BABAM2: variants seen among roughly 807,000 people sequenced by gnomAD.
BABAM2 encodes the protein BRISC and BRCA1-A complex member 2.
Under a neutral mutation model 54.7 loss-of-function variants are expected in BABAM2, and 31 were observed. The observed-to-expected ratio is 0.57, with a 90% CI of 0.43 to 0.77. The LOEUF is 0.77. Among genes scored for constraint, BABAM2 ranks in the 30% least tolerant of loss-of-function variants. BABAM2 has a pLI of 0.00. For synonymous variants in BABAM2, 167 were observed against 162.9 expected (o/e 1.03, Z -0.19); for missense variants, 364 against 455.8 (o/e 0.80, Z 1.83).
intron 10 of BABAM2, among the ~76,000 whole-genome samples, chr2:28,278,166 T>C (rs1011612028): frequency 6.6e-6 from 1 of 152,204 alleles, no homozygotes; most frequent in Non-Finnish European, 1.5e-5. Flanking sequence ...AAGACCCTTT[T>C]ATATACACCG....
chr2:27,939,743 A>C (rs1668740209), intron 3 of BABAM2, among the ~76,000 whole-genome samples: 1 of 152,234 alleles, frequency 6.6e-6, no homozygotes, highest in African/African-American at 2.4e-5. Context: ...TTATTTTTCA[A>C]AATATTTTAT....
chr2:28,112,411 T>C (rs767810565), intron 6 of BABAM2, among the ~76,000 whole-genome samples: 16 of 151,340 alleles, frequency 1.1e-4, no homozygotes, highest in Non-Finnish European at 1.8e-4. Context: ...CTTGTGTCCA[T>C]GTGTTCTCAT....
intron 8 of BABAM2, among the ~76,000 whole-genome samples, chr2:28,240,160 G>A (rs1056072177): frequency 1.3e-5 from 2 of 150,574 alleles, no homozygotes; most frequent in South Asian, 2.1e-4. Context: ...AGATGAGGTC[G>A]CCCAGGCTGG....
chr2:28,131,085 T>G (rs1263955081), intron 7 of BABAM2, among the ~76,000 whole-genome samples: 1 of 6,262 alleles, frequency 1.6e-4, no homozygotes, highest in Non-Finnish European at 5.2e-4. Context: ...TATTATTTTT[T>G]TTTTTTTTTT....
chr2:28,088,843 G>A (rs1295978068), intron 6 of BABAM2, among the ~76,000 whole-genome samples: 1 of 152,064 alleles, frequency 6.6e-6, no homozygotes, highest in Admixed American at 6.6e-5. Flanking sequence ...CTGTCATCTC[G>A]ATACATATCT....
At chr2:27,946,365 A>G (rs1056545266) in intron 3 of BABAM2, among the ~76,000 whole-genome samples, 1 of 152,124 alleles carries the variant, frequency 6.6e-6, no homozygotes, top group Admixed American at 6.5e-5. Flanking sequence ...ATTATTATGT[A>G]TGATCCTTCT....
At chr2:28,310,120 C>T (rs1688944875) in intron 11 of BABAM2, 1 of 1,614,148 alleles carries the variant, frequency 6.2e-7, no homozygotes, top group East Asian at 2.2e-5. Context: ...TCCAGCTCTG[C>T]CTGACATCCA....
chr2:28,159,018 C>A (rs1672807951), intron 7 of BABAM2, among the ~76,000 whole-genome samples: 1 of 152,166 alleles, frequency 6.6e-6, no homozygotes, highest in South Asian at 2.1e-4. Flanking sequence ...TCAACAAGTT[C>A]TCTTTTCACT....
At chr2:28,188,663 G>T (rs1676577118) in intron 7 of BABAM2, among the ~76,000 whole-genome samples, 1 of 152,156 alleles carries the variant, frequency 6.6e-6, no homozygotes, top group African/African-American at 2.4e-5. Flanking sequence ...CCTCGGGGCT[G>T]TTTAGGTTCT....
chr2:28,219,428 T>G (rs1680196294), intron 7 of BABAM2, among the ~76,000 whole-genome samples: 1 of 152,242 alleles, frequency 6.6e-6, no homozygotes, highest in Non-Finnish European at 1.5e-5. Flanking sequence ...AGGACTCGTG[T>G]GTCTAGATGG....
Position 28,188,989 on chromosome 2 carries a change from T to C in BABAM2, c.681-48213T>C, listed in dbSNP as rs184531002. Among the ~76,000 whole-genome samples the C allele has an allele frequency of 4.0e-4, 61 of 152,136 alleles. 1 individual carries two copies. In the East Asian group the frequency reaches 0.011, roughly 28 times the overall value. On this transcript the variant is annotated intron_variant, in intron 7 of 11. Coordinates refer to ENST00000379624, the MANE Select transcript of BABAM2 (RefSeq NM_199191.3). ...GCCAAGGCGGGAGGATCACCTGAGG[T>C]CGGGAGTTCGAGACCAGCCTGGCCA...
chr2:28,087,919 G>A (rs1665815770), intron 6 of BABAM2, among the ~76,000 whole-genome samples: 1 of 152,102 alleles, frequency 6.6e-6, no homozygotes, highest in Non-Finnish European at 1.5e-5. Flanking sequence ...CAAAGTGCTG[G>A]GATTACAGGC....
intron 6 of BABAM2, among the ~76,000 whole-genome samples, chr2:28,119,133 G>T (rs1004535901): frequency 1.3e-5 from 2 of 152,192 alleles, no homozygotes; most frequent in Admixed American, 1.3e-4. Flanking sequence ...TAGCCTTGTA[G>T]TATAGGTTGG....
chr2:28,219,339 A>G lies in BABAM2; in HGVS notation c.681-17863A>G, dbSNP rs571165191. 2.6e-4 allele frequency among the ~76,000 whole-genome samples: 39 copies of G among 152,320 alleles called. No homozygotes were observed. The South Asian group carries it at 7.4e-3, about 29-fold the overall frequency. On this transcript the variant is annotated intron_variant, in intron 7 of 11. Coordinates refer to ENST00000379624, the MANE Select transcript of BABAM2 (RefSeq NM_199191.3). Reference sequence around the variant, plus strand: ...AGCAATGGCAAGTCCAGTCCCTCTCATGCTTCAAGTTTTTCCTGCCTCTTC... The same window carrying G: ...AGCAATGGCAAGTCCAGTCCCTCTCGTGCTTCAAGTTTTTCCTGCCTCTTC...
At chr2:28,258,615 CTTTTT>C (rs70956008) in intron 10 of BABAM2, among the ~76,000 whole-genome samples, 9 of 100,044 alleles carry the variant, frequency 9.0e-5, no homozygotes, top group Non-Finnish European at 1.7e-4. Flanking sequence ...TTTTTCTTTT[CTTTTT>C]TTTTTTTTTT....
chr2:28,260,546 C>T (rs894916934), intron 10 of BABAM2, among the ~76,000 whole-genome samples: 1 of 151,986 alleles, frequency 6.6e-6, no homozygotes, highest in Non-Finnish European at 1.5e-5. Context: ...AGGTGATCCA[C>T]CCACCTCGGC....
intron 3 of BABAM2, among the ~76,000 whole-genome samples, chr2:27,951,697 A>G (rs544470745): frequency 2.8e-4 from 42 of 152,018 alleles, no homozygotes; most frequent in African/African-American, 8.9e-4. Flanking sequence ...TTAGTTTTCA[A>G]TTTTTTCAAT....
Position 27,920,249 on chromosome 2 carries a change from C to T in BABAM2, c.129-9583C>T, listed in dbSNP as rs185871717. Among the ~76,000 whole-genome samples the T allele has an allele frequency of 1.5e-3, 230 of 152,260 alleles. 2 individuals are homozygous for T. Among genetic ancestry groups the T allele is most frequent in the African/African-American group, 4.9e-3 (204 of 41,554 alleles). ...TAAGACTTGACCTTGTGGATTTGGTCTGGCCAGTCAGATGGGGTATAATTA... is the reference window on the plus strand; with the variant it reads ...TAAGACTTGACCTTGTGGATTTGGTTTGGCCAGTCAGATGGGGTATAATTA... On this transcript the variant is annotated intron_variant, in intron 2 of 11. Transcript: ENST00000379624.
intron 5 of BABAM2, among the ~76,000 whole-genome samples, chr2:28,026,979 A>ATAT (rs1558668295): frequency 4.1e-5 from 4 of 96,598 alleles, no homozygotes; most frequent in African/African-American, 1.5e-4. Context: ...TAAATATATA[A>ATAT]ATATATATAA....
Sources: gnomAD v4.1 joint callset for allele counts (sites outside exome capture counted in the v4.1 genomes callset) on GRCh38, gnomAD v4.1.1 for gene constraint, MANE v1.5 for transcripts, NCBI Gene and HGNC (gene_info 2026-07-23, HGNC 2026-07-21) for gene names.